Variants in DEPDC5 observed in about 807,000 individuals in gnomAD.
DEPDC5 encodes DEP domain containing 5, GATOR1 subcomplex subunit, also known as GATOR1 complex protein DEPDC5.
A neutral mutation model predicts 217.3 loss-of-function variants in DEPDC5; 73 were observed. The ratio of observed to expected loss-of-function variants is 0.34; its 90% CI spans 0.28 to 0.41. DEPDC5 has a LOEUF of 0.41. DEPDC5 is among the 10% of genes least tolerant of loss of function. The probability of loss-of-function intolerance (pLI) is 1.00; values close to 1 mark genes in which losing one functional copy is unlikely to be tolerated. For missense variants in DEPDC5, 1,675 were observed against 2,070.1 expected, an observed-to-expected ratio of 0.81 and a Z score of 3.70; for synonymous variants, 733 against 756.7, an observed-to-expected ratio of 0.97 and a Z score of 0.51.
At position 31,876,285 on chromosome 22, in the gene DEPDC5, C is replaced by A. The variant is rs1475517035; in HGVS notation, c.3805+20C>A. On this transcript the variant is annotated intron_variant, in intron 37 of 42. Coordinates refer to ENST00000651528, the MANE Select transcript of DEPDC5 (RefSeq NM_001242896.3). The stretch of plus-strand genomic sequence containing the variant: ...ACCGAGGTTAGAGCCGAGGCGAATG[C>A]GGTTGCCCACAGGGGCAAGTGTTTT... The A allele has an allele frequency of 1.9e-6, 3 of 1,602,084 alleles. No homozygotes were observed. Among genetic ancestry groups the A allele is most frequent in the Admixed American group, 1.7e-5 (1 of 59,628 alleles).
chr22:31,810,712 T>C, intron 20 of DEPDC5, 71 bp downstream of exon 20: 1 of 1,567,266 alleles, frequency 6.4e-7, no homozygotes, highest in South Asian at 1.2e-5. Flanking sequence ...AGTAGTGACC[T>C]CTAAGAGAGC....
chr22:31,830,630 CGTGTGTGTGTGTGTGTGTGT>C (rs34078350), intron 24 of DEPDC5, among the ~76,000 whole-genome samples: 2 of 142,552 alleles, frequency 1.4e-5, no homozygotes, highest in Admixed American at 7.0e-5. Context: ...TATGCGTGTA[CGTGTGTGTGTGTGTGTGTGT>C]GTGTGTGTGT....
At chr22:31,884,838 T>G (rs1413300531) in intron 38 of DEPDC5, among the ~76,000 whole-genome samples, 1 of 152,230 alleles carries the variant, frequency 6.6e-6, no homozygotes, top group Non-Finnish European at 1.5e-5. Context: ...CGCAACACCT[T>G]CGTCTTGCCT....
At chr22:31,853,846 G>C (rs755172531) in intron 31 of DEPDC5, among the ~76,000 whole-genome samples, 8 of 152,192 alleles carry the variant, frequency 5.3e-5, no homozygotes, top group Non-Finnish European at 8.8e-5. Context: ...AAAGCAGATG[G>C]ACATTCATGT....
chr22:31,785,727 A>T (rs2084915606), intron 10 of DEPDC5, among the ~76,000 whole-genome samples: 1 of 152,282 alleles, frequency 6.6e-6, no homozygotes, highest in Non-Finnish European at 1.5e-5. Context: ...CTCAGTCATC[A>T]GAATAGTGTG....
chr22:31,902,445 T>C (rs941654691), intron 41 of DEPDC5, among the ~76,000 whole-genome samples: 3 of 146,488 alleles, frequency 2.0e-5, no homozygotes, highest in Admixed American at 1.4e-4. Context: ...TACTTATATA[T>C]ACTCATACAA....
In DEPDC5 at chr22:31,790,777, C is replaced by T. The variant is rs553553938; in HGVS notation, c.625-1256C>T. On this transcript the variant is annotated intron_variant, in intron 10 of 42. Coordinates refer to ENST00000651528, the MANE Select transcript of DEPDC5 (RefSeq NM_001242896.3). ...TTTTTTTTTTTTTGAGACGGAGTCT[C>T]GCTCCGTCGCCCAGGCTGGAGTGCA... 1.9e-3 allele frequency among the ~76,000 whole-genome samples: 265 copies of T among 140,704 alleles called. 2 individuals are homozygous for T. Among genetic ancestry groups the T allele is most frequent in the African/African-American group, 6.6e-3 (249 of 37,920 alleles). The allele number at this position is 140,704 out of a possible 152,430, so 92.3% of individuals were successfully genotyped here.
At chr22:31,806,510 G>A (rs74417765) in intron 18 of DEPDC5, among the ~76,000 whole-genome samples, 1,671 of 152,324 alleles carry the variant, frequency 0.011, 22 homozygotes, top group Admixed American at 0.02. Context: ...GCCAGACTGC[G>A]TGAAATACCT....
intron 30 of DEPDC5, 43 bp downstream of exon 30, chr22:31,845,280 G>C (rs1378554972): frequency 6.3e-7 from 1 of 1,579,248 alleles, no homozygotes; most frequent in South Asian, 1.1e-5. Flanking sequence ...GGTGTGAGAT[G>C]CAGGGCCTGC....
At chr22:31,836,880 C>T (rs952556722) in intron 25 of DEPDC5, 92 bp from the exon 26 acceptor site, 18 of 1,219,176 alleles carry the variant, frequency 1.5e-5, no homozygotes, top group Admixed American at 4.3e-5. Context: ...AACTTTTTTC[C>T]CCACTCTTCC....
intron 33 of DEPDC5, among the ~76,000 whole-genome samples, chr22:31,867,344 G>T (rs745726648): frequency 1.3e-5 from 2 of 152,200 alleles, no homozygotes; most frequent in Non-Finnish European, 2.9e-5. Flanking sequence ...ATAGAATTTT[G>T]TGCCAAATTC....
intron 33 of DEPDC5, among the ~76,000 whole-genome samples, chr22:31,862,872 T>G (rs2092563467): frequency 6.6e-6 from 1 of 152,240 alleles, no homozygotes; most frequent in Admixed American, 6.5e-5. Context: ...ACTGTGTTTT[T>G]GGTTTAAAAC....
intron 8 of DEPDC5, among the ~76,000 whole-genome samples, chr22:31,781,473 C>T (rs868082739): frequency 1.3e-5 from 2 of 151,970 alleles, no homozygotes; most frequent in African/African-American, 2.4e-5. Context: ...CACTGTGTTG[C>T]CTAGGCTGGA....
intron 21 of DEPDC5, chr22:31,815,730 T>C: frequency 1.1e-6 from 1 of 906,562 alleles, no homozygotes; most frequent in South Asian, 2.7e-5. Flanking sequence ...GGTGGGGTTT[T>C]ACCATTCCCA....
chr22:31,815,282 G>C (rs1447492359), intron 21 of DEPDC5, 70 bp downstream of exon 21: 3 of 1,550,426 alleles, frequency 1.9e-6, no homozygotes, highest in African/African-American at 2.7e-5. Flanking sequence ...GGAGGTGGGA[G>C]GATTGGTCAG....
chr22:31,876,351 C>A, intron 37 of DEPDC5, 86 bp downstream of exon 37: 2 of 997,820 alleles, frequency 2.0e-6, no homozygotes, highest in Non-Finnish European at 3.1e-6. Flanking sequence ...GCTTCCTGAG[C>A]TGCATGTGTG....
chr22:31,849,622 A>G (rs1462877265), intron 31 of DEPDC5, among the ~76,000 whole-genome samples: 1 of 152,064 alleles, frequency 6.6e-6, no homozygotes, highest in Non-Finnish European at 1.5e-5. Context: ...CTCTACTAAT[A>G]ATACAAAAAT....
intron 38 of DEPDC5, among the ~76,000 whole-genome samples, chr22:31,892,314 C>G (rs969641974): frequency 2.6e-5 from 4 of 152,204 alleles, no homozygotes; most frequent in Non-Finnish European, 5.9e-5. Flanking sequence ...CCAAATCTGG[C>G]TCACCATTTG....
chr22:31,845,786 C>A (rs1259907700), intron 30 of DEPDC5, among the ~76,000 whole-genome samples: 1 of 151,328 alleles, frequency 6.6e-6, no homozygotes, highest in Non-Finnish European at 1.5e-5. Context: ...TGTGTGTACA[C>A]AGGTCTGTGA....
Sources: allele counts gnomAD v4.1 joint callset (sites outside exome capture counted in the v4.1 genomes callset), GRCh38; gene constraint gnomAD v4.1.1; transcripts MANE v1.5; gene names NCBI Gene and HGNC (gene_info 2026-07-23, HGNC 2026-07-21).